Variants in ERAP1 observed in about 807,000 individuals in gnomAD.
The protein encoded by ERAP1 is adipocyte-derived leucine aminopeptidase.
A neutral mutation model predicts 103.7 loss-of-function variants in ERAP1; 86 were observed. The ratio of observed to expected loss-of-function variants is 0.83; its 90% CI spans 0.70 to 0.99. The LOEUF (loss-of-function observed/expected upper bound fraction) is 0.99, where lower values mean the gene tolerates loss of function less well. Among genes scored for constraint, ERAP1 ranks in the 50% least tolerant of loss-of-function variants. The probability of loss-of-function intolerance (pLI) is 0.00; values close to 1 mark genes in which losing one functional copy is unlikely to be tolerated. For missense variants in ERAP1, 1,009 were observed against 1,128.4 expected, an observed-to-expected ratio of 0.89 and a Z score of 1.52; for synonymous variants, 398 against 402.4, an observed-to-expected ratio of 0.99 and a Z score of 0.13.
At chr5:96,874,162 GAAAGAAAGAAAGAA>G in the ERAP1 span, among the ~76,000 whole-genome samples, 1 of 121,998 alleles carries the variant, frequency 8.2e-6, no homozygotes, top group Non-Finnish European at 1.6e-5. Context: ...AAGAAAGAAA[GAAAGAAAGAAAGAA>G]AGAAAGAGAG....
Position 96,788,619 on chromosome 5 carries a change from G to C in ERAP1, c.1591C>G (p.Pro531Ala). The change falls in exon 11 of 19, where the codon CCC becomes GCC. Residue 531 changes from proline to alanine, a missense_variant. Transcript: ENST00000443439. ...CCCCTCACTGTGATGGTTATTAGGG[G>C]AAAACCCTTCTGCAGTGTCCAAGTG... ...MNTWTLQKGFPLITITVRGRN... is the reference protein window; with the variant it reads ...MNTWTLQKGFALITITVRGRN... The C allele has an allele frequency of 1.2e-6, 2 of 1,614,148 alleles. No homozygotes were observed. Among genetic ancestry groups the C allele is most frequent in the Non-Finnish European group, 1.7e-6 (2 of 1,180,018 alleles).
chr5:96,840,693 A>C, the ERAP1 span, among the ~76,000 whole-genome samples: 67 of 145,930 alleles, frequency 4.6e-4, no homozygotes, highest in African/African-American at 1.6e-3. Flanking sequence ...CAGGCATTGG[A>C]CTTTTTTTTT....
At chr5:96,882,332 G>A in the ERAP1 span, among the ~76,000 whole-genome samples, 1 of 152,168 alleles carries the variant, frequency 6.6e-6, no homozygotes, top group African/African-American at 2.4e-5. Context: ...GAGATATTTG[G>A]AGTAAAGCTG....
chr5:96,829,574 GA>G, the ERAP1 span, among the ~76,000 whole-genome samples: 1 of 152,162 alleles, frequency 6.6e-6, no homozygotes, highest in Non-Finnish European at 1.5e-5. Flanking sequence ...TCGTCCATAA[GA>G]AAAATTCCTA....
intron 7 of ERAP1, 69 bp from the exon 8 acceptor site, chr5:96,792,261 CA>C (rs1447667263): frequency 7.3e-6 from 11 of 1,513,012 alleles, no homozygotes; most frequent in Non-Finnish European, 9.2e-6. Flanking sequence ...AAAGGTGGGA[CA>C]TTTTATCTGA....
At chr5:96,786,035 C>A (rs1775945376) in intron 12 of ERAP1, 64 bp from the exon 13 acceptor site, 2 of 1,502,466 alleles carry the variant, frequency 1.3e-6, no homozygotes, top group Non-Finnish European at 1.8e-6. Flanking sequence ...CTTTTCTCAT[C>A]CAAGATTGGG....
chr5:96,820,960 G>A, the ERAP1 span, among the ~76,000 whole-genome samples: 1 of 19,184 alleles, frequency 5.2e-5, no homozygotes, highest in Admixed American at 3.9e-4. Flanking sequence ...AAGAAGAAGA[G>A]GAAGAAGAGG....
At chr5:96,787,352 A>G (rs469367) in intron 11 of ERAP1, among the ~76,000 whole-genome samples, 108,615 of 151,768 alleles carry the variant, frequency 0.72, 39,426 homozygotes, top group Non-Finnish European at 0.79. Flanking sequence ...TGCAACCTCC[A>G]CCTCCTGGGT....
the ERAP1 span, among the ~76,000 whole-genome samples, chr5:96,829,257 C>T: frequency 6.6e-6 from 1 of 152,062 alleles, no homozygotes; most frequent in African/African-American, 2.4e-5. Context: ...TTTTTTCATA[C>T]TTGTTTTTTC....
At chr5:96,768,040 G>A (rs1265052045) in intron 19 of ERAP1, 1 of 1,225,472 alleles carries the variant, frequency 8.2e-7, no homozygotes, top group African/African-American at 1.5e-5. Context: ...AAATGTGTGT[G>A]TGTGTATGTG....
the ERAP1 span, among the ~76,000 whole-genome samples, chr5:96,891,687 A>G: frequency 5.3e-4 from 81 of 152,156 alleles, no homozygotes; most frequent in South Asian, 0.016. Flanking sequence ...TAGAGGAAAT[A>G]TCAGTGTTGA....
the ERAP1 span, among the ~76,000 whole-genome samples, chr5:96,856,365 T>TATAGAGAGAGAGAG: frequency 2.0e-4 from 4 of 20,384 alleles, no homozygotes; most frequent in African/African-American, 5.0e-4. Flanking sequence ...TATATATATA[T>TATAGAGAGAGAGAG]AGAGAGAGAG....
At position 96,784,007 on chromosome 5, in the gene ERAP1, C is replaced by G. The variant is rs758521582; in HGVS notation, c.2017G>C (p.Val673Leu). The change falls in exon 14 of 19, where the codon GTG (valine) becomes CTG (leucine). Residue 673 changes from valine (V) to leucine (L), a missense_variant. Transcript: ENST00000443439. ...YLKHETEIMP[V>L]FQGLNELIPM... ...ATCAGCTCATTCAAACCTTGAAACA[C>G]GGGCATAATTTCAGTTTCATGTTTC... 6.2e-7 allele frequency: 1 copy of G among 1,613,910 alleles called. No individual in the cohort carries two copies. The highest frequency in any genetic ancestry group is 1.1e-5 in the South Asian group (1 of 91,078).
At position 96,803,748 on chromosome 5, in the gene ERAP1, G is replaced by A. The variant is rs1778252339; in HGVS notation, c.179C>T (p.Pro60Leu). The change falls in exon 2 of 19, where the codon CCA becomes CTA. Residue 60 changes from proline to leucine, a missense_variant. Physicochemically the swap from Pro to Leu is moderately conservative, Grantham distance 98. Coordinates refer to ENST00000443439, the MANE Select transcript of ERAP1 (RefSeq NM_001040458.3). ...ATGGATCAAGAGATCATAATGAACT[G>A]GGATGACGTACTCAGGAAGTCGTAT... ...NKIRLPEYVI[P>L]VHYDLLIHAN... The A allele has an allele frequency of 6.2e-7, 1 of 1,614,184 alleles. No individual in the cohort carries two copies. Among genetic ancestry groups the A allele is most frequent in the East Asian group, 2.2e-5 (1 of 44,888 alleles).
intron 19 of ERAP1, chr5:96,767,926 A>G (rs1209736015): frequency 1.9e-6 from 3 of 1,613,010 alleles, no homozygotes; most frequent in Non-Finnish European, 2.5e-6. Context: ...GATGACCAAG[A>G]CCCCATTGAT....
the ERAP1 span, among the ~76,000 whole-genome samples, chr5:96,824,221 A>T: frequency 5.3e-5 from 8 of 152,312 alleles, no homozygotes; most frequent in Non-Finnish European, 8.8e-5. Context: ...TTCACACCCA[A>T]TGCCTGATGT....
At chr5:96,896,225 G>C in the ERAP1 span, 1 of 568,880 alleles carries the variant, frequency 1.8e-6, no homozygotes, top group Non-Finnish European at 3.0e-6. Flanking sequence ...TTTGGCCAAA[G>C]GGGAATACAT....
At chr5:96,857,150 C>T in the ERAP1 span, among the ~76,000 whole-genome samples, 1 of 152,186 alleles carries the variant, frequency 6.6e-6, no homozygotes, top group South Asian at 2.1e-4. Context: ...CCACTCTTTG[C>T]CAGGCTAACT....
At chr5:96,915,933 T>C in the ERAP1 span, 1 of 514,788 alleles carries the variant, frequency 1.9e-6, no homozygotes, top group South Asian at 2.8e-5. Flanking sequence ...GATTAAAACC[T>C]GACACTTGGC....
Sources: allele counts gnomAD v4.1 joint callset (sites outside exome capture counted in the v4.1 genomes callset), GRCh38; gene constraint gnomAD v4.1.1; transcripts MANE v1.5; gene names NCBI Gene and HGNC (gene_info 2026-07-23, HGNC 2026-07-21).